The following GPR141 variants were observed in gnomAD, a reference collection of about 807,000 sequenced individuals.
GPR141 encodes the protein probable G protein-coupled receptor 141.
In GPR141, 6 loss-of-function variants were observed where a neutral mutation model predicts 6.8. That is an observed-to-expected ratio of 0.88 (90% CI 0.48 to 1.74). The LOEUF is 1.74. Ranked by LOEUF, GPR141 falls within the 40% of genes most tolerant of loss-of-function variation. The pLI is 0.01. For missense variants in GPR141, 372 were observed against 372.9 expected, an observed-to-expected ratio of 1.00 and a Z score of 0.02; for synonymous variants, 140 against 142.3, an observed-to-expected ratio of 0.98 and a Z score of 0.11.
rs1261717265 is a variant in GPR141, at chr7:37,703,264, G to T, written c.-15+17681G>T. On this transcript the variant is annotated intron_variant, in intron 2 of 2. Coordinates refer to ENST00000334425, the MANE Select transcript of GPR141 (RefSeq NM_001381946.1). Reference sequence around the variant, plus strand: ...TCTGTGTAGAGGATTTTTTTTAGTGGTCTGTCTTCTCTAATTGGCTGCCTT... The same window carrying T: ...TCTGTGTAGAGGATTTTTTTTAGTGTTCTGTCTTCTCTAATTGGCTGCCTT... Among the ~76,000 whole-genome samples, 5 of 151,798 alleles carry T rather than the reference G, an allele frequency of 3.3e-5. No homozygotes were observed. The East Asian group carries it at 9.7e-4, about 29-fold the overall frequency.
chr7:37,699,410 A>C (rs954539016), intron 2 of GPR141, among the ~76,000 whole-genome samples: 7 of 152,120 alleles, frequency 4.6e-5, no homozygotes, highest in Non-Finnish European at 8.8e-5. Flanking sequence ...AAATACAAAA[A>C]ATTAGCCGGG....
intron 2 of GPR141, among the ~76,000 whole-genome samples, chr7:37,719,558 G>A (rs778579282): frequency 2.0e-5 from 3 of 152,142 alleles, no homozygotes; most frequent in Non-Finnish European, 4.4e-5. Flanking sequence ...TAGCAACTTA[G>A]TTCCTTTCCT....
rs1376237212 is a variant in GPR141 at position 37,742,949 on chromosome 7, C to T, written c.*1638C>T. On this transcript the variant is annotated 3_prime_UTR_variant, in exon 3 of 3. Coordinates refer to ENST00000334425, the MANE Select transcript of GPR141 (RefSeq NM_001381946.1). ...TATTAATAACTTGTGGCATGTGGCA[C>T]GTTAAACTGATTTTATTTCAAGAAC... is the stretch of plus-strand genomic sequence containing the variant. 2.6e-5 allele frequency among the ~76,000 whole-genome samples: 4 copies of T among 152,088 alleles called. No individual in the cohort carries two copies. Among genetic ancestry groups the T allele is most frequent in the Non-Finnish European group, 2.9e-5 (2 of 68,002 alleles).
chr7:37,713,227 T>A (rs1810891733), intron 2 of GPR141: 1 of 152,262 alleles, frequency 6.6e-6, no homozygotes, highest in African/African-American at 2.4e-5. Flanking sequence ...ATAGTGTCCC[T>A]AACACAAATA....
At chr7:37,725,398 G>A (rs1583564558) in intron 2 of GPR141, among the ~76,000 whole-genome samples, 1 of 152,240 alleles carries the variant, frequency 6.6e-6, no homozygotes, top group East Asian at 1.9e-4. Flanking sequence ...CCAGGCCTGC[G>A]AACTTGAGCA....
intron 2 of GPR141, among the ~76,000 whole-genome samples, chr7:37,690,349 G>A (rs988772170): frequency 6.6e-6 from 1 of 152,098 alleles, no homozygotes; most frequent in Non-Finnish European, 1.5e-5. Context: ...GATCCCTCAC[G>A]GCTTGGTGCT....
At chr7:37,710,817 C>T (rs1281823888) in intron 2 of GPR141, among the ~76,000 whole-genome samples, 7 of 152,152 alleles carry the variant, frequency 4.6e-5, no homozygotes, top group Non-Finnish European at 1.0e-4. Flanking sequence ...TTGCTATTTA[C>T]TTATTTATAT....
rs1166243082 is a variant in GPR141, at chr7:37,742,076, T to C, written c.*765T>C. 6.6e-6 allele frequency among the ~76,000 whole-genome samples: 1 copy of C among 152,152 alleles called. No individual in the cohort carries two copies. Among genetic ancestry groups the C allele is most frequent in the East Asian group, 1.9e-4 (1 of 5,186 alleles). The stretch of plus-strand genomic sequence containing the variant: ...TAATTTAGAGACTATCCCTGACTAA[T>C]GTGCTGGTAGGCATTAAAATGAGTT... On this transcript the variant is annotated 3_prime_UTR_variant, in exon 3 of 3. Coordinates refer to ENST00000334425, the MANE Select transcript of GPR141 (RefSeq NM_001381946.1).
intron 2 of GPR141, among the ~76,000 whole-genome samples, chr7:37,706,486 C>A (rs931773305): frequency 1.3e-5 from 2 of 152,052 alleles, no homozygotes; most frequent in African/African-American, 4.8e-5. Flanking sequence ...TTTTTTCCAC[C>A]CTGCAGATTT....
At chr7:37,690,842 T>A (rs1450553893) in intron 2 of GPR141, among the ~76,000 whole-genome samples, 4 of 152,164 alleles carry the variant, frequency 2.6e-5, no homozygotes, top group Non-Finnish European at 1.5e-5. Context: ...TCATCCAAAG[T>A]GCAGCTTAAA....
intron 2 of GPR141, among the ~76,000 whole-genome samples, chr7:37,695,541 C>T (rs887332216): frequency 1.3e-5 from 2 of 152,178 alleles, no homozygotes; most frequent in Non-Finnish European, 2.9e-5. Context: ...CCTCCTGGCT[C>T]CCAGCTGATC....
chr7:37,697,995 G>C (rs927091795), intron 2 of GPR141, among the ~76,000 whole-genome samples: 9 of 152,232 alleles, frequency 5.9e-5, no homozygotes, highest in Non-Finnish European at 1.5e-5. Context: ...TGTGCATCCT[G>C]GCCCCCGTGC....
intron 2 of GPR141, 134 bp from the exon 3 acceptor site, chr7:37,740,246 C>T (rs1048587467): frequency 2.6e-5 from 17 of 653,438 alleles, no homozygotes; most frequent in Non-Finnish European, 4.6e-5. Context: ...AGGAAATAAT[C>T]TTCATTCTTA....
chr7:37,724,772 T>C (rs994346683), intron 2 of GPR141, among the ~76,000 whole-genome samples: 6 of 152,214 alleles, frequency 3.9e-5, no homozygotes, highest in Non-Finnish European at 8.8e-5. Flanking sequence ...GTGATGCCTC[T>C]TCTAGCTGGG....
intron 2 of GPR141, among the ~76,000 whole-genome samples, chr7:37,694,260 C>A (rs939308318): frequency 2.0e-5 from 3 of 152,234 alleles, no homozygotes; most frequent in African/African-American, 7.2e-5. Context: ...GGTGCAGCAG[C>A]AAGTGGGAGG....
intron 2 of GPR141, among the ~76,000 whole-genome samples, chr7:37,722,978 CCTT>C (rs1430177573): frequency 1.1e-4 from 16 of 141,692 alleles, no homozygotes; most frequent in African/African-American, 4.0e-4. Flanking sequence ...TTCCTTCCTT[CCTT>C]CTTTCTTTCT....
At chr7:37,702,488 G>A (rs1422576088) in intron 2 of GPR141, among the ~76,000 whole-genome samples, 1 of 150,932 alleles carries the variant, frequency 6.6e-6, no homozygotes, top group African/African-American at 2.4e-5. Flanking sequence ...TTTTATTGCT[G>A]TCAAATACAA....
intron 2 of GPR141, among the ~76,000 whole-genome samples, chr7:37,694,981 T>C (rs558370705): frequency 6.6e-6 from 1 of 152,210 alleles, no homozygotes; most frequent in African/African-American, 2.4e-5. Context: ...CAGCAGGCAG[T>C]GTACAGCCTC....
At chr7:37,735,837 A>G (rs1426208207) in intron 2 of GPR141, among the ~76,000 whole-genome samples, 9 of 152,248 alleles carry the variant, frequency 5.9e-5, no homozygotes, top group Non-Finnish European at 1.3e-4. Context: ...AATAGATGAG[A>G]AAATTTCACA....
Sources: allele counts gnomAD v4.1 joint callset (sites outside exome capture counted in the v4.1 genomes callset), GRCh38; gene constraint gnomAD v4.1.1; transcripts MANE v1.5; gene names NCBI Gene and HGNC (gene_info 2026-07-23, HGNC 2026-07-21).